ALK: variants seen among roughly 807,000 people sequenced by gnomAD.
ALK encodes ALK receptor tyrosine kinase, also known as ALK tyrosine kinase receptor.
Under a neutral mutation model 163.1 loss-of-function variants are expected in ALK, and 74 were observed. The ratio of observed to expected loss-of-function variants is 0.45; its 90% CI spans 0.38 to 0.55. The LOEUF is 0.55. Among genes scored for constraint, ALK ranks in the 20% least tolerant of loss-of-function variants. The pLI, the probability that ALK is intolerant of heterozygous loss-of-function variation, is 0.00. For synonymous variants in ALK, 960 were observed against 843.2 expected, an observed-to-expected ratio of 1.14 and a Z score of -2.40; for missense variants, 2,063 against 2,105.3, an observed-to-expected ratio of 0.98 and a Z score of 0.39.
intron 3 of ALK, among the ~76,000 whole-genome samples, chr2:29,652,162 T>G (rs1393298335): frequency 6.6e-6 from 1 of 152,118 alleles, no homozygotes; most frequent in African/African-American, 2.4e-5. Flanking sequence ...TCATCTATAT[T>G]TTTTTAAAAT....
chr2:29,853,131 A>C (rs546157459), intron 1 of ALK, among the ~76,000 whole-genome samples: 1 of 152,336 alleles, frequency 6.6e-6, no homozygotes, highest in African/African-American at 2.4e-5. Flanking sequence ...TATTATTAAT[A>C]TATGGGAATC....
At chr2:29,434,841 T>C (rs1265811605) in intron 4 of ALK, among the ~76,000 whole-genome samples, 3 of 152,200 alleles carry the variant, frequency 2.0e-5, no homozygotes, top group Non-Finnish European at 4.4e-5. Flanking sequence ...TTCCATTAGG[T>C]CCATGGGGAA....
Position 29,399,957 on chromosome 2 carries a change from T to C in ALK, c.1155-16098A>G, listed in dbSNP as rs1669403537. Among the ~76,000 whole-genome samples the C allele has an allele frequency of 2.0e-5, 3 of 152,320 alleles. No individual in the cohort carries two copies. The South Asian group carries it at 6.2e-4, about 32-fold the overall frequency. ...GGAAAAGACACAGACACTAGGATCC[T>C]AGAGCAAGAGTCTGGTGCTGATCCT... On this transcript the variant is annotated intron_variant, in intron 4 of 28. Coordinates refer to ENST00000389048, the MANE Select transcript of ALK (RefSeq NM_004304.5).
intron 5 of ALK, among the ~76,000 whole-genome samples, chr2:29,335,820 G>T (rs2148265788): frequency 6.6e-6 from 1 of 152,176 alleles, no homozygotes; most frequent in East Asian, 1.9e-4. Context: ...TAGGTGGATT[G>T]CTTGTGGTCA....
At chr2:29,897,013 A>T (rs921050937) in intron 1 of ALK, among the ~76,000 whole-genome samples, 37 of 152,212 alleles carry the variant, frequency 2.4e-4, no homozygotes, top group Non-Finnish European at 1.6e-4. Context: ...AGAGATCTAC[A>T]ATCCACCTTT....
At chr2:29,425,160 A>G (rs1670103626) in intron 4 of ALK, among the ~76,000 whole-genome samples, 1 of 152,208 alleles carries the variant, frequency 6.6e-6, no homozygotes, top group Non-Finnish European at 1.5e-5. Context: ...GGAATATAGC[A>G]AATGAAAAAA....
At chr2:29,565,954 G>A (rs1674173920) in intron 3 of ALK, among the ~76,000 whole-genome samples, 1 of 152,210 alleles carries the variant, frequency 6.6e-6, no homozygotes, top group Admixed American at 6.5e-5. Context: ...TCAGAGCTTT[G>A]TGGGACAGCA....
intron 4 of ALK, among the ~76,000 whole-genome samples, chr2:29,455,369 G>A (rs1670924790): frequency 6.6e-6 from 1 of 152,164 alleles, no homozygotes; most frequent in Non-Finnish European, 1.5e-5. Flanking sequence ...CTCCTACCCT[G>A]GGAGAGCAGC....
chr2:29,563,943 G>C (rs955251496), intron 3 of ALK, among the ~76,000 whole-genome samples: 1 of 152,148 alleles, frequency 6.6e-6, no homozygotes, highest in Non-Finnish European at 1.5e-5. Flanking sequence ...AACATTTGTG[G>C]TCACCTGCCA....
intron 1 of ALK, among the ~76,000 whole-genome samples, chr2:29,777,042 C>T (rs1365114088): frequency 6.6e-6 from 1 of 152,118 alleles, no homozygotes; most frequent in East Asian, 1.9e-4. Flanking sequence ...GGATTTTCCT[C>T]ATCTAGTCTC....
chr2:29,421,795 G>A lies in ALK; in HGVS notation c.1155-37936C>T, dbSNP rs534945546. On this transcript the variant is annotated intron_variant, in intron 4 of 28. Coordinates refer to ENST00000389048, the MANE Select transcript of ALK (RefSeq NM_004304.5). ...CATCCTGTGTACCTCTGCCCAGATC[G>A]CAGCCGCAGTGGGGATAAAGAAGAA... 1.1e-4 allele frequency among the ~76,000 whole-genome samples: 16 copies of A among 151,668 alleles called. 1 individual carries two copies. In the South Asian group the frequency reaches 2.3e-3, roughly 22 times the overall value.
chr2:29,893,427 A>G (rs13401504), intron 1 of ALK, among the ~76,000 whole-genome samples: 1,554 of 152,276 alleles, frequency 0.01, 24 homozygotes, highest in African/African-American at 0.035. Context: ...TTCTTATCAA[A>G]TAAGAAAATG....
At chr2:29,737,750 TC>T (rs1679934554) in intron 1 of ALK, among the ~76,000 whole-genome samples, 1 of 152,068 alleles carries the variant, frequency 6.6e-6, no homozygotes, top group Middle Eastern at 3.2e-3. Flanking sequence ...CCACCATCCT[TC>T]CCAATCTGGT....
chr2:29,354,536 A>T (rs1202315007), intron 5 of ALK, among the ~76,000 whole-genome samples: 1 of 151,926 alleles, frequency 6.6e-6, no homozygotes, highest in Non-Finnish European at 1.5e-5. Context: ...GAGCCATGGC[A>T]TCGTGCACCG....
At chr2:29,561,056 T>C (rs1674008726) in intron 3 of ALK, among the ~76,000 whole-genome samples, 1 of 152,198 alleles carries the variant, frequency 6.6e-6, no homozygotes, top group South Asian at 2.1e-4. Context: ...TAGTAAGTTT[T>C]AAATTGTTTA....
At chr2:29,480,095 G>A (rs1671626057) in intron 4 of ALK, among the ~76,000 whole-genome samples, 1 of 152,158 alleles carries the variant, frequency 6.6e-6, no homozygotes, top group South Asian at 2.1e-4. Flanking sequence ...AAAACATAAT[G>A]TGGAGTGAAA....
rs1220470959 is a variant in ALK, at chr2:29,757,169, G to A, written c.668-39472C>T. Among the ~76,000 whole-genome samples, 8 of 152,312 alleles carry A rather than the reference G, an allele frequency of 5.3e-5. No individual in the cohort carries two copies. The South Asian group carries it at 1.7e-3, about 32-fold the overall frequency. ...AGCCTTTAAGGCAGTGTCCAGGAAT[G>A]GCCAGAAGACCACAATAGCTATAGT... On this transcript the variant is annotated intron_variant, in intron 1 of 28. Transcript: ENST00000389048.
chr2:29,400,717 G>A (rs1290332575), intron 4 of ALK, among the ~76,000 whole-genome samples: 1 of 152,216 alleles, frequency 6.6e-6, no homozygotes, highest in Non-Finnish European at 1.5e-5. Flanking sequence ...GCTCACGCCT[G>A]TGGTCCGGGT....
intron 4 of ALK, among the ~76,000 whole-genome samples, chr2:29,506,620 C>T (rs544015765): frequency 6.6e-6 from 1 of 152,056 alleles, no homozygotes; most frequent in South Asian, 2.1e-4. Context: ...GTGGTGGGTG[C>T]CTGTAGTCCC....
Sources: allele counts gnomAD v4.1 joint callset (sites outside exome capture counted in the v4.1 genomes callset), GRCh38; gene constraint gnomAD v4.1.1; transcripts MANE v1.5; gene names NCBI Gene and HGNC (gene_info 2026-07-23, HGNC 2026-07-21).